ZFAT: variants seen among roughly 807,000 people sequenced by gnomAD.
ZFAT encodes zinc finger protein ZFAT.
In ZFAT, 64 loss-of-function variants were observed where a neutral mutation model predicts 117.7. The ratio of observed to expected loss-of-function variants is 0.54; its 90% CI spans 0.44 to 0.67. ZFAT has a LOEUF of 0.67. Ranked by LOEUF, ZFAT falls within the 30% of genes least tolerant of loss-of-function variation. The pLI is 0.00. For missense variants in ZFAT, 1,433 were observed against 1,584.5 expected (o/e 0.90, Z 1.62); for synonymous variants, 679 against 615.0 (o/e 1.10, Z -1.54).
the ZFAT span, among the ~76,000 whole-genome samples, chr8:134,772,328 G>T: frequency 6.6e-6 from 1 of 152,046 alleles, no homozygotes; most frequent in South Asian, 2.1e-4. Context: ...AAAAGTTCAC[G>T]AAGGAAATTC....
chr8:134,618,069 C>T (rs1828868004), intron 3 of ZFAT, among the ~76,000 whole-genome samples: 1 of 152,124 alleles, frequency 6.6e-6, no homozygotes, highest in Non-Finnish European at 1.5e-5. Flanking sequence ...GTGCCTTTCA[C>T]CTCCCGCCAT....
At chr8:134,664,611 G>A (rs1254476505) in intron 1 of ZFAT, among the ~76,000 whole-genome samples, 2 of 152,252 alleles carry the variant, frequency 1.3e-5, no homozygotes, top group Non-Finnish European at 1.5e-5. Flanking sequence ...ATAAAGCAGC[G>A]TATAAACGGC....
chr8:134,745,672 G>T, the ZFAT span, among the ~76,000 whole-genome samples: 13 of 152,180 alleles, frequency 8.5e-5, no homozygotes, highest in African/African-American at 2.9e-4. Context: ...ATCATAAAAA[G>T]CCAAGGTTCA....
chr8:134,693,104 T>C (rs1301920076), intron 1 of ZFAT, among the ~76,000 whole-genome samples: 9 of 152,242 alleles, frequency 5.9e-5, no homozygotes, highest in Non-Finnish European at 1.5e-5. Flanking sequence ...GTTTCCTAGC[T>C]GTGTTTCTGA....
chr8:134,590,612 T>C (rs937453420), intron 7 of ZFAT, among the ~76,000 whole-genome samples: 13 of 146,842 alleles, frequency 8.9e-5, no homozygotes, highest in African/African-American at 3.1e-4. Flanking sequence ...GCACTATCAA[T>C]AGTCATCACC....
intron 11 of ZFAT, among the ~76,000 whole-genome samples, chr8:134,536,514 A>G (rs958387596): frequency 1.3e-5 from 2 of 152,224 alleles, no homozygotes. Context: ...AAAGTGTGGG[A>G]ACTGAGCCTC....
At chr8:134,502,601 G>A (rs1256642650) in intron 15 of ZFAT, among the ~76,000 whole-genome samples, 1 of 152,184 alleles carries the variant, frequency 6.6e-6, no homozygotes, top group Non-Finnish European at 1.5e-5. Flanking sequence ...TCCCAACACT[G>A]CCAACCATCA....
At position 134,657,735 on chromosome 8, in the gene ZFAT, T is replaced by A. The variant is rs776904368; in HGVS notation, c.22A>T (p.Asn8Tyr). Residue 8 changes from asparagine to tyrosine, a missense_variant and splice_region_variant, in exon 2 of 16, where the codon AAC (asparagine) becomes TAC (tyrosine). Coordinates refer to ENST00000377838, the MANE Select transcript of ZFAT (RefSeq NM_020863.4). ...CATTTACACATAAAGATGGCCGTGT[T>A]TTCTGTAAGGAAAAAAAAGGAAAAT... METRAAE[N>Y]TAIFMCKCCN... 6.2e-7 allele frequency: 1 copy of A among 1,607,780 alleles called. No individual in the cohort carries two copies. Among genetic ancestry groups the A allele is most frequent in the East Asian group, 2.2e-5 (1 of 44,844 alleles).
At chr8:134,633,070 C>T (rs963696196) in intron 3 of ZFAT, among the ~76,000 whole-genome samples, 21 of 151,406 alleles carry the variant, frequency 1.4e-4, no homozygotes, top group Admixed American at 3.3e-4. Flanking sequence ...TACGTATGCG[C>T]GTCAAAATGT....
chr8:134,652,070 C>T (rs1042638962), intron 2 of ZFAT, among the ~76,000 whole-genome samples: 2 of 152,152 alleles, frequency 1.3e-5, no homozygotes, highest in African/African-American at 4.8e-5. Context: ...CTAATCCCAG[C>T]ACTTCGGGAG....
At chr8:134,648,680 T>C (rs765407169) in intron 2 of ZFAT, among the ~76,000 whole-genome samples, 15 of 151,986 alleles carry the variant, frequency 9.9e-5, no homozygotes, top group Non-Finnish European at 1.8e-4. Context: ...CAGGACCAAA[T>C]AGTCTCACTG....
rs749758911 is a variant in ZFAT, at chr8:134,565,438, G to A, written c.2888-17C>T. 1.2e-6 allele frequency: 2 copies of A among 1,610,724 alleles called. No homozygotes were observed. Among genetic ancestry groups the A allele is most frequent in the South Asian group, 2.2e-5 (2 of 90,374 alleles). On this transcript the variant is annotated splice_polypyrimidine_tract_variant and intron_variant, in intron 10 of 15. Transcript: ENST00000377838. ...ACTGCTTCCCTGGAAAGAAGCGGAGGACAAGATGAGCGTCGCCAGGCCAAC... is the reference window on the plus strand; with the variant it reads ...ACTGCTTCCCTGGAAAGAAGCGGAGAACAAGATGAGCGTCGCCAGGCCAAC...
intron 3 of ZFAT, among the ~76,000 whole-genome samples, chr8:134,625,572 C>T (rs1015304093): frequency 6.6e-6 from 1 of 152,222 alleles, no homozygotes; most frequent in African/African-American, 2.4e-5. Context: ...GTCCTCCTCC[C>T]CAGGCACTCA....
chr8:134,562,207 G>A (rs1824102327), intron 11 of ZFAT, among the ~76,000 whole-genome samples: 1 of 152,198 alleles, frequency 6.6e-6, no homozygotes, highest in African/African-American at 2.4e-5. Flanking sequence ...GCGTGTAGAA[G>A]CCAGAAATGC....
chr8:134,518,319 A>C (rs1393367616), intron 13 of ZFAT, among the ~76,000 whole-genome samples: 1 of 152,216 alleles, frequency 6.6e-6, no homozygotes, highest in Non-Finnish European at 1.5e-5. Flanking sequence ...TTAATGGATA[A>C]AGAAATGCAA....
the ZFAT span, among the ~76,000 whole-genome samples, chr8:134,771,921 A>T: frequency 5.3e-5 from 8 of 152,196 alleles, no homozygotes; most frequent in African/African-American, 1.9e-4. Context: ...GAGGCAGGCA[A>T]AGAGAGAGTT....
intron 9 of ZFAT, among the ~76,000 whole-genome samples, chr8:134,584,609 G>C (rs949954021): frequency 6.6e-6 from 1 of 152,152 alleles, no homozygotes; most frequent in East Asian, 1.9e-4. Context: ...CTGACTGTAG[G>C]GGCATCTTGG....
At chr8:134,507,996 G>A (rs1819537355) in intron 15 of ZFAT, among the ~76,000 whole-genome samples, 1 of 152,236 alleles carries the variant, frequency 6.6e-6, no homozygotes, top group East Asian at 1.9e-4. Flanking sequence ...AGCTAAAAAG[G>A]TACTTAGCCT....
intron 3 of ZFAT, among the ~76,000 whole-genome samples, chr8:134,626,006 T>C (rs948516720): frequency 4.6e-5 from 7 of 152,186 alleles, no homozygotes; most frequent in African/African-American, 9.6e-5. Flanking sequence ...ACATAGTCCC[T>C]GAGAGCCAGC....
Sources: gnomAD v4.1 joint callset for allele counts (sites outside exome capture counted in the v4.1 genomes callset) on GRCh38, gnomAD v4.1.1 for gene constraint, MANE v1.5 for transcripts, NCBI Gene and HGNC (gene_info 2026-07-23, HGNC 2026-07-21) for gene names.